ZBTB9: variants seen among roughly 807,000 people sequenced by gnomAD.
ZBTB9 encodes zinc finger and BTB domain-containing protein 9.
A neutral mutation model predicts 26.3 loss-of-function variants in ZBTB9; 17 were observed. The observed-to-expected ratio is 0.65, with a 90% CI of 0.44 to 0.97. The LOEUF (loss-of-function observed/expected upper bound fraction) is 0.97. Among genes scored for constraint, ZBTB9 ranks in the 50% least tolerant of loss-of-function variants. The pLI is 0.00. For synonymous variants in ZBTB9, 226 were observed against 234.3 expected (o/e 0.96, Z 0.32); for missense variants, 510 against 594.2 (o/e 0.86, Z 1.47).
At position 33,455,298 on chromosome 6, in the gene ZBTB9, A is replaced by G. The variant is rs1258712449; in HGVS notation, c.198A>G (p.Leu66=). 1 of 1,614,070 alleles carries G rather than the reference A, an allele frequency of 6.2e-7. No homozygotes were observed. The highest frequency in any genetic ancestry group is 8.5e-7 in the Non-Finnish European group (1 of 1,180,038). The change falls in exon 2 of 2, where the codon TTA becomes TTG. Residue 66 remains leucine, a synonymous_variant. Coordinates refer to ENST00000395064, the MANE Select transcript of ZBTB9 (RefSeq NM_152735.4). The part of the protein sequence containing the change: ...GRELRAHKAV[L]AAASPYFHDK... Reference sequence around the variant, plus strand: ...AACTTAGGGCTCATAAAGCAGTGTTAGCTGCTGCCTCTCCTTACTTCCATG... The same window carrying G: ...AACTTAGGGCTCATAAAGCAGTGTTGGCTGCTGCCTCTCCTTACTTCCATG...
Position 33,456,642 on chromosome 6 carries a change from C to A in ZBTB9, c.*120C>A, listed in dbSNP as rs1203822492. 1 of 1,459,562 alleles carries A rather than the reference C, an allele frequency of 6.9e-7. No homozygotes were observed. The highest frequency in any genetic ancestry group is 9.1e-7 in the Non-Finnish European group (1 of 1,096,942). The allele number at this position is 1,459,562 out of a possible 1,614,324, so 90.4% of individuals were successfully genotyped here. A position where few individuals can be genotyped will look rare whatever the true frequency, so the allele number is the denominator to read the frequency against. On this transcript the variant is annotated 3_prime_UTR_variant, in exon 2 of 2. Transcript: ENST00000395064. This position sits in a 1 kb window ranked among gnomAD's most constrained non-coding sequence, Gnocchi z 5.1. ...TGTAATCATGCCAAGAGAATAGATA[C>A]ATTATGGACCTCTTGTTCTTAGATA...
Position 33,457,302 on chromosome 6 carries a change from G to C in ZBTB9, c.*780G>C, listed in dbSNP as rs1326918188. 1 of 167,148 alleles carries C rather than the reference G, an allele frequency of 6.0e-6. No homozygotes were observed. Among genetic ancestry groups the C allele is most frequent in the Admixed American group, 6.5e-5 (1 of 15,288 alleles). 10.4% of individuals were successfully genotyped at this position (167,148 alleles called of 1,614,324 possible). On this transcript the variant is annotated 3_prime_UTR_variant, in exon 2 of 2. Transcript: ENST00000395064. ...GGAGATGGCACTGTCCTAAAGTGCT[G>C]TCAGGGTGGCACCACTGCTCTCTGA...
In ZBTB9 at chr6:33,457,093, C is replaced by T. The variant is rs1432852678; in HGVS notation, c.*571C>T. 1 of 167,280 alleles carries T rather than the reference C, an allele frequency of 6.0e-6. No individual in the cohort carries two copies. 10.4% of individuals were successfully genotyped at this position (167,280 alleles called of 1,614,324 possible). A position where few individuals can be genotyped will look rare whatever the true frequency, so the allele number is the denominator to read the frequency against. On this transcript the variant is annotated 3_prime_UTR_variant, in exon 2 of 2. Coordinates refer to ENST00000395064, the MANE Select transcript of ZBTB9 (RefSeq NM_152735.4). The stretch of plus-strand genomic sequence containing the variant: ...ACCTTGCTTTCTCACCAATAGACAC[C>T]TTCCCGACACTTTTTTAATGTTGTA...
rs1561797359 is a variant in ZBTB9 at position 33,456,298 on chromosome 6, C to CGGCA, written c.1199_1202dup (p.His401GlnfsTer82). The CGGCA allele has an allele frequency of 6.2e-7, 1 of 1,613,416 alleles. No individual in the cohort carries two copies. The highest frequency in any genetic ancestry group is 1.1e-5 in the South Asian group (1 of 91,010). ...GTTTGCAGTGAAGCCAAAGCGTGAC[C>CGGCA]GGCACATCATGCTGACCTTCAGCCT... On this transcript the variant is annotated frameshift_variant, in exon 2 of 2. Transcript: ENST00000395064. LOFTEE classifies it high-confidence loss of function. This position sits in a 1 kb window ranked among gnomAD's most constrained non-coding sequence, Gnocchi z 5.1.
chr6:33,455,894 G>T lies in ZBTB9; in HGVS notation c.794G>T (p.Gly265Val). The T allele has an allele frequency of 1.2e-6, 2 of 1,613,452 alleles. No homozygotes were observed. Among genetic ancestry groups the T allele is most frequent in the Non-Finnish European group, 1.7e-6 (2 of 1,179,698 alleles). ...GCTACTCCCCGAAAGCTTCCAGAGG[G>T]TGAGAGTGCACCACTTGAGCTTCCT... ...MTATPRKLPE[G>V]ESAPLELPAP... Residue 265 changes from glycine to valine, a missense_variant, in exon 2 of 2, where the codon GGT (glycine) becomes GTT (valine). Physicochemically the swap from Gly to Val is moderately radical, Grantham distance 109. This residue lies in a region of ZBTB9 where 439 missense variants were observed against 460.4 expected (regional missense o/e 0.95). Transcript: ENST00000395064.
rs756526639 is a variant in ZBTB9, at chr6:33,455,296, T to C, written c.196T>C (p.Leu66=). 4 of 1,614,192 alleles carry C rather than the reference T, an allele frequency of 2.5e-6. No individual in the cohort carries two copies. Among genetic ancestry groups the C allele is most frequent in the Non-Finnish European group, 3.4e-6 (4 of 1,180,026 alleles). The change falls in exon 2 of 2, where the codon TTA becomes CTA. Residue 66 remains leucine (L), a synonymous_variant. Coordinates refer to ENST00000395064, the MANE Select transcript of ZBTB9 (RefSeq NM_152735.4). ...GGAACTTAGGGCTCATAAAGCAGTG[T>C]TAGCTGCTGCCTCTCCTTACTTCCA... ...GRELRAHKAV[L]AAASPYFHDK...
rs780244725 is a variant in ZBTB9, at chr6:33,455,307, C to T, written c.207C>T (p.Ala69=). 2 of 1,614,084 alleles carry T rather than the reference C, an allele frequency of 1.2e-6. No homozygotes were observed. The highest frequency in any genetic ancestry group is 1.7e-6 in the Non-Finnish European group (2 of 1,180,042). The change falls in exon 2 of 2, where the codon GCC becomes GCT. Residue 69 remains alanine, a synonymous_variant. Transcript: ENST00000395064. ...LRAHKAVLAA[A]SPYFHDKLLL... ...CTCATAAAGCAGTGTTAGCTGCTGC[C>T]TCTCCTTACTTCCATGACAAGCTGC... is the stretch of plus-strand genomic sequence containing the variant.
At position 33,455,916 on chromosome 6, in the gene ZBTB9, T is replaced by C; in HGVS notation, c.816T>C (p.Leu272=). 6.2e-7 allele frequency: 1 copy of C among 1,612,598 alleles called. No homozygotes were observed. Among genetic ancestry groups the C allele is most frequent in the South Asian group, 1.1e-5 (1 of 90,802 alleles). The change falls in exon 2 of 2, where the codon CTT becomes CTC. Residue 272 remains leucine (L), a synonymous_variant. Coordinates refer to ENST00000395064, the MANE Select transcript of ZBTB9 (RefSeq NM_152735.4). ...LPEGESAPLE[L]PAPPALPPKI... ...AGGGTGAGAGTGCACCACTTGAGCTTCCTGCCCCTCCTGCACTGCCCCCCA... is the reference window on the plus strand; with the variant it reads ...AGGGTGAGAGTGCACCACTTGAGCTCCCTGCCCCTCCTGCACTGCCCCCCA...
At position 33,455,769 on chromosome 6, in the gene ZBTB9, T is replaced by G. The variant is rs148756189; in HGVS notation, c.669T>G (p.Asp223Glu). 14 of 1,612,730 alleles carry G rather than the reference T, an allele frequency of 8.7e-6. No homozygotes were observed. Among genetic ancestry groups the G allele is most frequent in the Middle Eastern group, 3.3e-4 (2 of 6,076 alleles). ...EEEEEEEDDD[D>E]EDQGSATLSQ... is the part of the protein sequence containing the mutation. ...AGGAGGAGGAGGAAGATGATGATGATGAGGACCAGGGGTCAGCCACACTCT... is the reference window on the plus strand; with the variant it reads ...AGGAGGAGGAGGAAGATGATGATGAGGAGGACCAGGGGTCAGCCACACTCT... The change falls in exon 2 of 2, where the codon GAT becomes GAG. Residue 223 changes from aspartate to glutamate, a missense_variant. Physicochemically the swap from Asp to Glu is conservative, Grantham distance 45. This residue lies in a region of ZBTB9 where 439 missense variants were observed against 460.4 expected (regional missense o/e 0.95). Coordinates refer to ENST00000395064, the MANE Select transcript of ZBTB9 (RefSeq NM_152735.4).
rs1306493942 is a variant in ZBTB9 at position 33,457,465 on chromosome 6, G to A, written c.*943G>A. ...ATAGACAGCCCCTCTGTTGAGATAT[G>A]GAGGGGACAGATACTGGAATCGGGG... On this transcript the variant is annotated 3_prime_UTR_variant, in exon 2 of 2. Transcript: ENST00000395064. The A allele has an allele frequency of 1.2e-5, 2 of 167,118 alleles. No individual in the cohort carries two copies. The highest frequency in any genetic ancestry group is 2.9e-5 in the Non-Finnish European group (2 of 68,158). 10.4% of individuals were successfully genotyped at this position (167,118 alleles called of 1,614,324 possible). A position where few individuals can be genotyped will look rare whatever the true frequency, so the allele number is the denominator to read the frequency against.
rs1466836900 is a variant in ZBTB9 at position 33,455,939 on chromosome 6, C to A, written c.839C>A (p.Pro280His). 2 of 1,612,202 alleles carry A rather than the reference C, an allele frequency of 1.2e-6. No homozygotes were observed. The highest frequency in any genetic ancestry group is 2.2e-5 in the East Asian group (1 of 44,868). Residue 280 changes from proline to histidine, a missense_variant, in exon 2 of 2, where the codon CCC becomes CAC. Coordinates refer to ENST00000395064, the MANE Select transcript of ZBTB9 (RefSeq NM_152735.4). ...LELPAPPALP[P>H]KIFYIKQEPF... is the part of the protein sequence containing the mutation. ...CTTCCTGCCCCTCCTGCACTGCCCC[C>A]CAAAATCTTCTACATTAAGCAGGAA...
At position 33,456,519 on chromosome 6, in the gene ZBTB9, G is replaced by A. The variant is rs746939771; in HGVS notation, c.1419G>A (p.Lys473=). The change falls in exon 2 of 2, where the codon AAG becomes AAA. Residue 473 remains lysine, a synonymous_variant. Transcript: ENST00000395064. This position sits in a 1 kb window ranked among gnomAD's most constrained non-coding sequence, Gnocchi z 5.1. ...QGWATAHWTY[K] ...GGGCCACTGCCCACTGGACTTACAA[G>A]TGACTGCTGAGGCTATACACTAGCT... 1 of 1,604,686 alleles carries A rather than the reference G, an allele frequency of 6.2e-7. No homozygotes were observed. Among genetic ancestry groups the A allele is most frequent in the Admixed American group, 1.7e-5 (1 of 58,368 alleles).
At position 33,456,488 on chromosome 6, in the gene ZBTB9, A is replaced by T. The variant is rs775476073; in HGVS notation, c.1388A>T (p.Gln463Leu). Residue 463 changes from glutamine (Q) to leucine (L), a missense_variant, in exon 2 of 2, where the codon CAG becomes CTG. By Grantham distance (113) the Gln-to-Leu change is moderately radical (BLOSUM62 -2). Coordinates refer to ENST00000395064, the MANE Select transcript of ZBTB9 (RefSeq NM_152735.4). The surrounding 1 kb of genome is among the most constrained non-coding windows in gnomAD (Gnocchi z 5.1). ...CGCCACCGGGACCTATGCAAGGGCC[A>T]GGGCTGGGCCACTGCCCACTGGACT... ...FLRHRDLCKG[Q>L]GWATAHWTYK 2.5e-6 allele frequency: 4 copies of T among 1,613,096 alleles called. No individual in the cohort carries two copies. Among genetic ancestry groups the T allele is most frequent in the Non-Finnish European group, 3.4e-6 (4 of 1,179,462 alleles).
rs1761480958 is a variant in ZBTB9 at position 33,456,016 on chromosome 6, G to A, written c.916G>A (p.Ala306Thr). The change falls in exon 2 of 2, where the codon GCA becomes ACA. Residue 306 changes from alanine to threonine, a missense_variant. This residue lies in a region of ZBTB9 where 439 missense variants were observed against 460.4 expected (regional missense o/e 0.95). Coordinates refer to ENST00000395064, the MANE Select transcript of ZBTB9 (RefSeq NM_152735.4). This position sits in a 1 kb window ranked among gnomAD's most constrained non-coding sequence, Gnocchi z 5.1. ...ISGSGTQPGG[A>T]KEETKVFSGG... ...AGGAAGCGGAACTCAGCCTGGAGGA[G>A]CAAAGGAGGAAACCAAAGTGTTTTC... 6.2e-7 allele frequency: 1 copy of A among 1,614,062 alleles called. No individual in the cohort carries two copies. The highest frequency in any genetic ancestry group is 1.3e-5 in the African/African-American group (1 of 75,044).
chr6:33,456,657 GTTC>G lies in ZBTB9; in HGVS notation c.*138_*140del. On this transcript the variant is annotated 3_prime_UTR_variant, in exon 2 of 2. Transcript: ENST00000395064. The surrounding 1 kb of genome is among the most constrained non-coding windows in gnomAD (Gnocchi z 5.1). ...AGAATAGATACATTATGGACCTCTTGTTCTTAGATATGGGCCTCTCAGCCTGGC... is the reference window on the plus strand; with the variant it reads ...AGAATAGATACATTATGGACCTCTTGTTAGATATGGGCCTCTCAGCCTGGC... 1 of 1,415,394 alleles carries G rather than the reference GTTC, an allele frequency of 7.1e-7. No homozygotes were observed. 87.7% of individuals were successfully genotyped at this position (1,415,394 alleles called of 1,614,324 possible). A position where few individuals can be genotyped will look rare whatever the true frequency, so the allele number is the denominator to read the frequency against.
At chr6:33,454,918 ACCGCCAC>A in intron 1 of ZBTB9, 105 bp from the exon 2 acceptor site, 1 of 897,510 alleles carries the variant, frequency 1.1e-6, no homozygotes, top group Non-Finnish European at 1.6e-6. Flanking sequence ...ATTTGCAGAA[ACCGCCAC>A]TGACTTAAAA....
At chr6:33,454,991 A>G in intron 1 of ZBTB9, 39 bp from the exon 2 acceptor site, 1 of 1,483,666 alleles carries the variant, frequency 6.7e-7, no homozygotes. Context: ...GGCTCCCTTT[A>G]TCCAGGGCTT....
Position 33,456,184 on chromosome 6 carries a change from G to A in ZBTB9, c.1084G>A (p.Gly362Arg). The change falls in exon 2 of 2, where the codon GGA becomes AGA. Residue 362 changes from glycine to arginine, a missense_variant. Gly to Arg is a moderately radical substitution (Grantham distance 125). Coordinates refer to ENST00000395064, the MANE Select transcript of ZBTB9 (RefSeq NM_152735.4). This position sits in a 1 kb window ranked among gnomAD's most constrained non-coding sequence, Gnocchi z 5.1. Reference sequence around the variant, plus strand: ...CCTGTCAGGGGGTGGAGGACCTGGGGGAGCAGGCCAGGCCGTGCATGGGCC... The same window carrying A: ...CCTGTCAGGGGGTGGAGGACCTGGGAGAGCAGGCCAGGCCGTGCATGGGCC... ...EILSGGGGPG[G>R]AGQAVHGPVK... The A allele has an allele frequency of 6.2e-7, 1 of 1,608,676 alleles. No homozygotes were observed. The highest frequency in any genetic ancestry group is 8.5e-7 in the Non-Finnish European group (1 of 1,177,328).
At position 33,455,827 on chromosome 6, in the gene ZBTB9, G is replaced by T. The variant is rs1761475346; in HGVS notation, c.727G>T (p.Val243Phe). 2 of 1,610,984 alleles carry T rather than the reference G, an allele frequency of 1.2e-6. No homozygotes were observed. The highest frequency in any genetic ancestry group is 1.7e-5 in the Admixed American group (1 of 59,838). The change falls in exon 2 of 2, where the codon GTT becomes TTT. Residue 243 changes from valine (V) to phenylalanine (F), a missense_variant. By Grantham distance (50) the Val-to-Phe change is conservative. Transcript: ENST00000395064. ...TCCTCAGCCCCAGAGAGTATCAGGGGTTTTTCCCCGTCCTCATGGACCCCA... is the reference window on the plus strand; with the variant it reads ...TCCTCAGCCCCAGAGAGTATCAGGGTTTTTTCCCCGTCCTCATGGACCCCA... ...QTPQPQRVSGVFPRPHGPHPL... is the reference protein window; with the variant it reads ...QTPQPQRVSGFFPRPHGPHPL...
Sources: allele counts gnomAD v4.1 joint callset, GRCh38; gene constraint gnomAD v4.1.1; regional missense constraint gnomAD v4.1.1; non-coding constraint Gnocchi (gnomAD v3.1); transcripts MANE v1.5; gene names NCBI Gene and HGNC (gene_info 2026-07-23, HGNC 2026-07-21).